SLC22A12: variants seen among roughly 807,000 people sequenced by gnomAD.
The protein encoded by SLC22A12 is organic anion transporter 4-like protein.
SLC22A12 carries 56 observed loss-of-function variants against 52.7 expected under a neutral mutation model. That is an observed-to-expected ratio of 1.06 (90% CI 0.86 to 1.33). The LOEUF (loss-of-function observed/expected upper bound fraction) is 1.33, where lower values mean the gene tolerates loss of function less well. SLC22A12 is among the 40% of genes most tolerant of loss of function. The pLI, the probability that SLC22A12 is intolerant of heterozygous loss-of-function variation, is 0.00. For synonymous variants in SLC22A12, 337 were observed against 324.6 expected (o/e 1.04, Z -0.41); for missense variants, 683 against 741.5 (o/e 0.92, Z 0.92).
chr11:64,600,555 CAGACCT>C, intron 8 of SLC22A12, 80 bp downstream of exon 8: 1 of 1,392,354 alleles, frequency 7.2e-7, no homozygotes. Flanking sequence ...TGGCTTCTCC[CAGACCT>C]AGATGTTCAT....
At chr11:64,600,639 C>CT in intron 8 of SLC22A12, 96 bp from the exon 9 acceptor site, 1 of 1,564,480 alleles carries the variant, frequency 6.4e-7, no homozygotes, top group East Asian at 2.3e-5. Flanking sequence ...GCCTGACCCC[C>CT]TGGGTCTCCC....
At position 64,600,326 on chromosome 11, in the gene SLC22A12, G is replaced by T. The variant is rs760829887; in HGVS notation, c.1286-41G>T. On this transcript the variant is annotated intron_variant, in intron 7 of 9. Coordinates refer to ENST00000377574, the MANE Select transcript of SLC22A12 (RefSeq NM_144585.4). ...CTGAAGGGAGCCCTCATCTGATCTT[G>T]GGCCCCCCACCAAGCTCACTAATCC... The T allele has an allele frequency of 4.7e-6, 7 of 1,478,460 alleles. No homozygotes were observed. In the African/African-American group the frequency reaches 9.7e-5, roughly 21 times the overall value. 91.6% of individuals were successfully genotyped at this position (1,478,460 alleles called of 1,614,324 possible). A position where few individuals can be genotyped will look rare whatever the true frequency, so the allele number is the denominator to read the frequency against.
At chr11:64,601,401 T>A in intron 9 of SLC22A12, 87 bp from the exon 10 acceptor site, 1 of 1,371,352 alleles carries the variant, frequency 7.3e-7, no homozygotes, top group Non-Finnish European at 1.0e-6. Context: ...GGTGGTGGCA[T>A]TCCCTGGAGT....
At chr11:64,600,217 G>C (rs2039407767) in intron 7 of SLC22A12, 150 bp from the exon 8 acceptor site, 1 of 758,078 alleles carries the variant, frequency 1.3e-6, no homozygotes, top group Non-Finnish European at 2.3e-6. Flanking sequence ...GTGGCCATGA[G>C]GCCACTCAGG....
chr11:64,598,995 C>T (rs1027266995), intron 6 of SLC22A12, 72 bp downstream of exon 6: 55 of 1,567,000 alleles, frequency 3.5e-5, no homozygotes, highest in East Asian at 9.4e-5. Flanking sequence ...CACACGGCCC[C>T]GGCCTCTGCT....
chr11:64,593,662 G>A lies in SLC22A12; in HGVS notation c.689G>A (p.Arg230Gln), dbSNP rs759297223. 4.1e-5 allele frequency: 66 copies of A among 1,614,148 alleles called. No homozygotes were observed. In the Admixed American group the frequency reaches 4.5e-4, roughly 11 times the overall value. The change falls in exon 4 of 10, where the codon CGA (arginine) becomes CAA (glutamine). Residue 230 changes from arginine to glutamine, a missense_variant. Transcript: ENST00000377574. ...ATGGAGTGGACGGCGGCACGGGCCC[G>A]ACCCTTGGTGATGACCTTGAACTCT... The part of the protein sequence containing the change: ...LLMEWTAARA[R>Q]PLVMTLNSLG...
At chr11:64,599,072 A>C (rs1236713123) in intron 6 of SLC22A12, 149 bp downstream of exon 6, 6 of 1,227,402 alleles carry the variant, frequency 4.9e-6, no homozygotes, top group African/African-American at 1.5e-5. Flanking sequence ...TCCCGACAGG[A>C]GACAACCCAG....
In SLC22A12 at chr11:64,599,761, G is replaced by T. The variant is rs1295061921; in HGVS notation, c.1156G>T (p.Gly386Cys). The T allele has an allele frequency of 6.2e-7, 1 of 1,612,680 alleles. No homozygotes were observed. The highest frequency in any genetic ancestry group is 1.7e-5 in the Admixed American group (1 of 59,972). Residue 386 changes from glycine to cysteine, a missense_variant, in exon 7 of 10, where the codon GGT becomes TGT. Transcript: ENST00000377574. ...CATCTTCCTGCTCCAAATGTTCATT[G>T]GTGTCGTGGACATCCCAGCCAAGAT... is the stretch of plus-strand genomic sequence containing the variant. ...SNIFLLQMFI[G>C]VVDIPAKMGA...
In SLC22A12 at chr11:64,601,578, G is replaced by A. The variant is rs780681807; in HGVS notation, c.*27G>A. 1.9e-6 allele frequency: 3 copies of A among 1,611,752 alleles called. No individual in the cohort carries two copies. The Admixed American group carries it at 5.0e-5, about 27-fold the overall frequency. On this transcript the variant is annotated 3_prime_UTR_variant, in exon 10 of 10. Transcript: ENST00000377574. ...CTCCTGGGGAACCTGCGATGGGACG[G>A]TCAGAGGAAGAGACTTCTTCTGTTC...
intron 4 of SLC22A12, among the ~76,000 whole-genome samples, chr11:64,594,682 C>CGGATGGATGGAT (rs200147816): frequency 0.014 from 1,944 of 135,034 alleles, 20 homozygotes; most frequent in East Asian, 0.051. Context: ...GATGGATGGA[C>CGGATGGATGGAT]GGATGGATGG....
At position 64,600,924 on chromosome 11, in the gene SLC22A12, A is replaced by G; in HGVS notation, c.1584A>G (p.Gln528=). The G allele has an allele frequency of 6.2e-7, 1 of 1,608,710 alleles. No homozygotes were observed. ...TQSLPLPDTI[Q]DVQNQAVKKA... ...GCTTGCCGCTGCCCGACACCATCCA[A>G]GATGTGCAGAACCAGTGAGTGGACC... is the stretch of plus-strand genomic sequence containing the variant. Residue 528 remains glutamine (Q), a synonymous_variant, in exon 9 of 10, where the codon CAA becomes CAG. Coordinates refer to ENST00000377574, the MANE Select transcript of SLC22A12 (RefSeq NM_144585.4).
At chr11:64,596,263 G>C in intron 4 of SLC22A12, among the ~76,000 whole-genome samples, 1 of 7,270 alleles carries the variant, frequency 1.4e-4, no homozygotes, top group East Asian at 3.8e-3. Flanking sequence ...TGGATGGATG[G>C]ATGGATGGAT....
chr11:64,601,530 C>G lies in SLC22A12; in HGVS notation c.1641C>G (p.Val547=). ...KATHGTLGNS[V]LKSTQF is the part of the protein sequence containing the mutation. ...CACATGGCACGCTGGGGAACTCTGT[C>G]CTAAAATCCACACAGTTTTAGCCTC... is the stretch of plus-strand genomic sequence containing the variant. Residue 547 remains valine (V), a synonymous_variant, in exon 10 of 10, where the codon GTC becomes GTG. Transcript: ENST00000377574. 6.2e-7 allele frequency: 1 copy of G among 1,613,930 alleles called. No individual in the cohort carries two copies. Among genetic ancestry groups the G allele is most frequent in the Non-Finnish European group, 8.5e-7 (1 of 1,179,948 alleles).
chr11:64,595,006 GA>G, intron 4 of SLC22A12, among the ~76,000 whole-genome samples: 1 of 141,538 alleles, frequency 7.1e-6, no homozygotes. Context: ...TGGATGGATG[GA>G]TGGATGGATG....
chr11:64,601,755 A>G lies in SLC22A12; in HGVS notation c.*204A>G. On this transcript the variant is annotated 3_prime_UTR_variant, in exon 10 of 10. Coordinates refer to ENST00000377574, the MANE Select transcript of SLC22A12 (RefSeq NM_144585.4). ...GCCCCCTTCAATACTGAAGGGGAAA[A>G]GGACAGTTTGATTGGCAGGAGGTGA... 1 of 582,506 alleles carries G rather than the reference A, an allele frequency of 1.7e-6. No homozygotes were observed. Among genetic ancestry groups the G allele is most frequent in the Non-Finnish European group, 3.1e-6 (1 of 324,472 alleles). The allele number at this position is 582,506 out of a possible 1,614,324, so 36.1% of individuals were successfully genotyped here.
At chr11:64,593,832 AGAG>A (rs767466850) in intron 4 of SLC22A12, 29 bp downstream of exon 4, 13 of 1,598,006 alleles carry the variant, frequency 8.1e-6, no homozygotes, top group Non-Finnish European at 1.1e-5. Context: ...TCCCCTCCTC[AGAG>A]GAGATCCTGC....
At chr11:64,592,728 C>A in intron 1 of SLC22A12, 51 bp from the exon 2 acceptor site, 1 of 1,503,168 alleles carries the variant, frequency 6.7e-7, no homozygotes, top group South Asian at 1.1e-5. Flanking sequence ...CTCTGCCTCT[C>A]TGCTGGGGCT....
chr11:64,599,752 A>G lies in SLC22A12; in HGVS notation c.1147A>G (p.Met383Val). The G allele has an allele frequency of 2.5e-6, 4 of 1,610,564 alleles. No homozygotes were observed. Among genetic ancestry groups the G allele is most frequent in the Non-Finnish European group, 3.4e-6 (4 of 1,178,786 alleles). The part of the protein sequence containing the change: ...ALGSNIFLLQ[M>V]FIGVVDIPAK... ...GGGCAGCAACATCTTCCTGCTCCAA[A>G]TGTTCATTGGTGTCGTGGACATCCC... is the stretch of plus-strand genomic sequence containing the variant. Residue 383 changes from methionine to valine, a missense_variant, in exon 7 of 10, where the codon ATG becomes GTG. Coordinates refer to ENST00000377574, the MANE Select transcript of SLC22A12 (RefSeq NM_144585.4).
intron 2 of SLC22A12, 69 bp downstream of exon 2, chr11:64,592,951 A>G: frequency 7.0e-7 from 1 of 1,422,932 alleles, no homozygotes; most frequent in Non-Finnish European, 9.8e-7. Flanking sequence ...ACCCTGGCCG[A>G]CTGGCCCCAA....
Sources: gnomAD v4.1 joint callset for allele counts (sites outside exome capture counted in the v4.1 genomes callset) on GRCh38, gnomAD v4.1.1 for gene constraint, MANE v1.5 for transcripts, NCBI Gene and HGNC (gene_info 2026-07-23, HGNC 2026-07-21) for gene names.